The following ANPEP variants were observed in gnomAD, a reference collection of about 807,000 sequenced individuals.
ANPEP encodes alanyl aminopeptidase, membrane, also known as aminopeptidase N.
ANPEP carries 70 observed loss-of-function variants against 114.6 expected under a neutral mutation model. The observed-to-expected ratio is 0.61, with a 90% CI of 0.50 to 0.75. The LOEUF (loss-of-function observed/expected upper bound fraction) is 0.75, where lower values mean the gene tolerates loss of function less well. Ranked by LOEUF, ANPEP falls within the 30% of genes least tolerant of loss-of-function variation. The pLI, the probability that ANPEP is intolerant of heterozygous loss-of-function variation, is 0.00. For synonymous variants in ANPEP, 548 were observed against 522.3 expected, an observed-to-expected ratio of 1.05 and a Z score of -0.67; for missense variants, 1,184 against 1,259.5, an observed-to-expected ratio of 0.94 and a Z score of 0.91.
At position 89,805,905 on chromosome 15, in the gene ANPEP, C is replaced by T; in HGVS notation, c.614+65G>A. ...CTGCAAGCTAAGTCCTTCCTTGGCC[C>T]TCAGAATCCAGCCTTGCCTCAGCAC... On this transcript the variant is annotated intron_variant, in intron 2 of 20. Coordinates refer to ENST00000300060, the MANE Select transcript of ANPEP (RefSeq NM_001150.3). 2.0e-6 allele frequency: 3 copies of T among 1,535,690 alleles called. No homozygotes were observed. In the South Asian group the frequency reaches 3.7e-5, roughly 19 times the overall value.
At chr15:89,813,836 T>G (rs779256003) in intron 1 of ANPEP, among the ~76,000 whole-genome samples, 1 of 152,146 alleles carries the variant, frequency 6.6e-6, no homozygotes, top group Admixed American at 6.5e-5. Context: ...TGAAGCCACA[T>G]CAGACCTCAG....
At chr15:89,801,324 G>A in intron 11 of ANPEP, 111 bp downstream of exon 11, 1 of 1,545,596 alleles carries the variant, frequency 6.5e-7, no homozygotes, top group Non-Finnish European at 8.9e-7. Context: ...GGGAGGGTCT[G>A]TCTACAGTGG....
At chr15:89,801,378 A>C in intron 11 of ANPEP, 57 bp downstream of exon 11, 2 of 1,596,024 alleles carry the variant, frequency 1.3e-6, no homozygotes, top group African/African-American at 2.7e-5. Context: ...ATGGTCCCTT[A>C]GTAACTGCCC....
intron 20 of ANPEP, among the ~76,000 whole-genome samples, chr15:89,786,386 C>CTTTT (rs57614547): frequency 0.16 from 20,633 of 130,232 alleles, 1,887 homozygotes; most frequent in Non-Finnish European, 0.18. Flanking sequence ...ATTTTAACTA[C>CTTTT]TTTTTTTTTT....
chr15:89,813,997 G>C lies in ANPEP; in HGVS notation c.-224+775C>G, dbSNP rs866531241. On this transcript the variant is annotated intron_variant, in intron 1 of 20. Coordinates refer to ENST00000300060, the MANE Select transcript of ANPEP (RefSeq NM_001150.3). ...TCCCTGCCCACCGCACTGCTGGGGG[G>C]GGGGGGTGCGTTCTGGAGTCATTTG... Among the ~76,000 whole-genome samples, 65 of 125,116 alleles carry C rather than the reference G, an allele frequency of 5.2e-4. 1 individual carries two copies. The South Asian group carries it at 7.3e-3, about 14-fold the overall frequency. The allele number at this position is 125,116 out of a possible 152,430, so 82.1% of individuals were successfully genotyped here. A position where few individuals can be genotyped will look rare whatever the true frequency, so the allele number is the denominator to read the frequency against.
intron 15 of ANPEP, 77 bp from the exon 16 acceptor site, chr15:89,793,203 G>T (rs2141793611): frequency 7.5e-7 from 1 of 1,334,722 alleles, no homozygotes; most frequent in Non-Finnish European, 1.1e-6. Context: ...CTCTGATGTT[G>T]GGGGGCAGGC....
chr15:89,795,735 A>G (rs1447852511), intron 15 of ANPEP, among the ~76,000 whole-genome samples: 2 of 152,242 alleles, frequency 1.3e-5, no homozygotes, highest in Non-Finnish European at 2.9e-5. Flanking sequence ...GATCTACCCC[A>G]GAAAAGTCAC....
chr15:89,803,451 C>G lies in ANPEP; in HGVS notation c.1494G>C (p.Gln498His), dbSNP rs531194148. ...SSFLSEDVFK[Q>H]GLASYLHTFA... ...AGGGTGCAGTACTCACCGCCAGGCC[C>G]TGCTTGAATACGTCCTCGGACAGGA... is the stretch of plus-strand genomic sequence containing the variant. Residue 498 changes from glutamine (Q) to histidine (H), a missense_variant, in exon 9 of 21, where the codon CAG becomes CAC. Physicochemically the swap from Gln to His is conservative, Grantham distance 24. Transcript: ENST00000300060. This position sits in a 1 kb window ranked among gnomAD's most constrained non-coding sequence, Gnocchi z 4.2. The G allele has an allele frequency of 1.2e-6, 2 of 1,606,042 alleles. No homozygotes were observed. Among genetic ancestry groups the G allele is most frequent in the South Asian group, 2.2e-5 (2 of 90,388 alleles).
chr15:89,786,902 C>T (rs1968517365), intron 20 of ANPEP, among the ~76,000 whole-genome samples: 1 of 152,078 alleles, frequency 6.6e-6, no homozygotes, highest in African/African-American at 2.4e-5. Context: ...GAAGAACAGT[C>T]TTTTCAACAA....
chr15:89,806,287 G>A lies in ANPEP; in HGVS notation c.297C>T (p.Gly99=), dbSNP rs764246030. 3 of 1,614,156 alleles carry A rather than the reference G, an allele frequency of 1.9e-6. No individual in the cohort carries two copies. Among genetic ancestry groups the A allele is most frequent in the Non-Finnish European group, 1.7e-6 (2 of 1,180,040 alleles). The change falls in exon 2 of 21, where the codon GGC becomes GGT. Residue 99 remains glycine, a synonymous_variant. Coordinates refer to ENST00000300060, the MANE Select transcript of ANPEP (RefSeq NM_001150.3). This position sits in a 1 kb window ranked among gnomAD's most constrained non-coding sequence, Gnocchi z 5.7. ...LRPYLTPNDR[G]LYVFKGSSTV... ...TGCTGGAGCCCTTAAAAACGTACAG[G>A]CCCCTGTCATTGGGGGTGAGGTACG...
At position 89,804,403 on chromosome 15, in the gene ANPEP, C is replaced by G; in HGVS notation, c.1029G>C (p.Gln343His). The G allele has an allele frequency of 6.2e-7, 1 of 1,614,232 alleles. No homozygotes were observed. Among genetic ancestry groups the G allele is most frequent in the Non-Finnish European group, 8.5e-7 (1 of 1,180,036 alleles). Residue 343 changes from glutamine to histidine, a missense_variant, in exon 6 of 21, where the codon CAG becomes CAC. Coordinates refer to ENST00000300060, the MANE Select transcript of ANPEP (RefSeq NM_001150.3). ...DTPYPLPKSD[Q>H]IGLPDFNAGA... The stretch of plus-strand genomic sequence containing the variant: ...CGGCGTTGAAGTCTGGCAGGCCAAT[C>G]TGGTCTGGGGAGGCGATGCCATTGG...
rs567093628 is a variant in ANPEP at position 89,785,258 on chromosome 15, G to C, written c.*91C>G. ...CTTGAGGGGAGGACACTGGTGCCTCGGGCTCCAGGAATGGAGGCCCTGCAC... is the reference window on the plus strand; with the variant it reads ...CTTGAGGGGAGGACACTGGTGCCTCCGGCTCCAGGAATGGAGGCCCTGCAC... On this transcript the variant is annotated 3_prime_UTR_variant, in exon 21 of 21. Coordinates refer to ENST00000300060, the MANE Select transcript of ANPEP (RefSeq NM_001150.3). 7.2e-6 allele frequency: 11 copies of C among 1,520,754 alleles called. No individual in the cohort carries two copies. The highest frequency in any genetic ancestry group is 8.1e-6 in the Non-Finnish European group (9 of 1,110,060). 94.2% of individuals were successfully genotyped at this position (1,520,754 alleles called of 1,614,324 possible).
chr15:89,807,470 G>A (rs893071401), intron 1 of ANPEP, among the ~76,000 whole-genome samples: 2 of 152,232 alleles, frequency 1.3e-5, no homozygotes, highest in Non-Finnish European at 2.9e-5. Flanking sequence ...GAAGGCCGAG[G>A]TGGGTGGATC....
Position 89,806,256 on chromosome 15 carries a change from G to T in ANPEP, c.328C>A (p.Arg110Ser). ...LYVFKGSSTVRFTCKEATDVI... is the reference protein window; with the variant it reads ...LYVFKGSSTVSFTCKEATDVI... ...TCAGTGGCCTCCTTGCAGGTGAAACGGACGGTGCTGGAGCCCTTAAAAACG... is the reference window on the plus strand; with the variant it reads ...TCAGTGGCCTCCTTGCAGGTGAAACTGACGGTGCTGGAGCCCTTAAAAACG... The change falls in exon 2 of 21, where the codon CGT becomes AGT. Residue 110 changes from arginine to serine, a missense_variant. Transcript: ENST00000300060. The surrounding 1 kb of genome is among the most constrained non-coding windows in gnomAD (Gnocchi z 5.7). 6.2e-7 allele frequency: 1 copy of T among 1,614,098 alleles called. No homozygotes were observed. The highest frequency in any genetic ancestry group is 2.2e-5 in the East Asian group (1 of 44,872).
intron 19 of ANPEP, 67 bp from the exon 20 acceptor site, chr15:89,790,608 A>G: frequency 2.2e-6 from 3 of 1,381,416 alleles, no homozygotes; most frequent in Middle Eastern, 1.8e-4. Context: ...CCTCACACCT[A>G]CTGGGTAGGG....
chr15:89,793,178 G>A, intron 15 of ANPEP, 52 bp from the exon 16 acceptor site: 2 of 1,522,674 alleles, frequency 1.3e-6, no homozygotes, highest in Non-Finnish European at 1.8e-6. Flanking sequence ...TGACCTGCCT[G>A]GAGCCCCACA....
rs752887360 is a variant in ANPEP, at chr15:89,791,071, G to A, written c.2551C>T (p.Pro851Ser). 3 of 1,614,206 alleles carry A rather than the reference G, an allele frequency of 1.9e-6. No individual in the cohort carries two copies. Among genetic ancestry groups the A allele is most frequent in the Admixed American group, 3.3e-5 (2 of 60,028 alleles). Residue 851 changes from proline to serine, a missense_variant, in exon 19 of 21, where the codon CCG (proline) becomes TCG (serine). Pro to Ser is a moderately conservative substitution (Grantham distance 74, BLOSUM62 -1). Coordinates refer to ENST00000300060, the MANE Select transcript of ANPEP (RefSeq NM_001150.3). ...LNRYLSYTLN[P>S]DLIRKQDATS... ...GCGTCCTGCTTCCGGATTAAGTCCGGGTTCAGGGTGTAGCTCAGGTACCTA... is the reference window on the plus strand; with the variant it reads ...GCGTCCTGCTTCCGGATTAAGTCCGAGTTCAGGGTGTAGCTCAGGTACCTA...
chr15:89,793,732 C>T (rs189084091), intron 15 of ANPEP, among the ~76,000 whole-genome samples: 1 of 149,268 alleles, frequency 6.7e-6, no homozygotes, highest in East Asian at 2.0e-4. Flanking sequence ...AATTCCATGA[C>T]TTATTGTAGG....
chr15:89,802,000 G>A (rs1253589270), intron 10 of ANPEP, among the ~76,000 whole-genome samples: 3 of 152,110 alleles, frequency 2.0e-5, no homozygotes, highest in African/African-American at 7.2e-5. Context: ...GGGGCCCTGG[G>A]GGTCGCATGA....
Sources: allele counts gnomAD v4.1 joint callset (sites outside exome capture counted in the v4.1 genomes callset), GRCh38; gene constraint gnomAD v4.1.1; non-coding constraint Gnocchi (gnomAD v3.1); transcripts MANE v1.5; gene names NCBI Gene and HGNC (gene_info 2026-07-23, HGNC 2026-07-21).